ANKDD1B: variants seen among roughly 807,000 people sequenced by gnomAD.
The protein encoded by ANKDD1B is ankyrin repeat and death domain containing 1B.
ANKDD1B carries 57 observed loss-of-function variants against 59.7 expected under a neutral mutation model. That is an observed-to-expected ratio of 0.95 (90% CI 0.77 to 1.19). ANKDD1B has a LOEUF of 1.19. Ranked by LOEUF, ANKDD1B falls within the 50% of genes most tolerant of loss-of-function variation. The probability of loss-of-function intolerance (pLI) is 0.00; values close to 1 mark genes in which losing one functional copy is unlikely to be tolerated. For missense variants in ANKDD1B, 602 were observed against 641.9 expected, an observed-to-expected ratio of 0.94 and a Z score of 0.67; for synonymous variants, 216 against 239.5, an observed-to-expected ratio of 0.90 and a Z score of 0.91.
rs1055481271 is a variant in ANKDD1B, at chr5:75,663,417, G to A, written c.1119G>A (p.Val373=). The A allele has an allele frequency of 1.3e-6, 2 of 1,536,102 alleles. No homozygotes were observed. The highest frequency in any genetic ancestry group is 2.0e-5 in the Admixed American group (1 of 50,986). Reference sequence around the variant, plus strand: ...AGCAAGGAAAGACTGCCCTGGCTGTGGCCTCCAGGAGCAACCATAGCCTTG... The same window carrying A: ...AGCAAGGAAAGACTGCCCTGGCTGTAGCCTCCAGGAGCAACCATAGCCTTG... ...VDKQGKTALA[V]ASRSNHSLVV... is the part of the protein sequence containing the mutation. Residue 373 remains valine (V), a synonymous_variant, in exon 11 of 14, where the codon GTG becomes GTA. Transcript: ENST00000601380.
chr5:75,613,023 G>A (rs561563553), intron 1 of ANKDD1B, among the ~76,000 whole-genome samples: 6 of 152,348 alleles, frequency 3.9e-5, no homozygotes, highest in Middle Eastern at 6.8e-3. Context: ...TACATGGAGT[G>A]TGTGTTCCTC....
chr5:75,650,173 G>A (rs2111987931), intron 7 of ANKDD1B, among the ~76,000 whole-genome samples: 1 of 152,286 alleles, frequency 6.6e-6, no homozygotes, highest in East Asian at 1.9e-4. Context: ...ATGTTACATG[G>A]CAAAGGAGAA....
chr5:75,653,032 C>T lies in ANKDD1B; in HGVS notation c.799-110C>T, dbSNP rs1774869969. 4.0e-6 allele frequency: 3 copies of T among 752,534 alleles called. No individual in the cohort carries two copies. The East Asian group carries it at 8.2e-5, about 21-fold the overall frequency. 46.6% of individuals were successfully genotyped at this position (752,534 alleles called of 1,614,324 possible). The stretch of plus-strand genomic sequence containing the variant: ...CAAATCACTGTTAAGTGATGCACGA[C>T]TGTAGTTGTACTATTTCATTGTATT... On this transcript the variant is annotated intron_variant, in intron 7 of 13. Coordinates refer to ENST00000601380, the MANE Select transcript of ANKDD1B (RefSeq NM_001276713.2).
chr5:75,618,055 T>C (rs995259951), intron 2 of ANKDD1B, among the ~76,000 whole-genome samples: 3 of 150,744 alleles, frequency 2.0e-5, no homozygotes, highest in African/African-American at 7.3e-5. Context: ...TCCATAGATA[T>C]CCTAGAATAG....
intron 7 of ANKDD1B, among the ~76,000 whole-genome samples, chr5:75,648,583 G>A (rs1214427846): frequency 6.6e-6 from 1 of 152,148 alleles, no homozygotes; most frequent in Non-Finnish European, 1.5e-5. Context: ...ACAGCCAGTG[G>A]TCTCAGCTGC....
At chr5:75,659,549 G>A (rs892481365) in intron 10 of ANKDD1B, among the ~76,000 whole-genome samples, 168 bp downstream of exon 10, 12 of 152,194 alleles carry the variant, frequency 7.9e-5, no homozygotes, top group Non-Finnish European at 1.6e-4. Flanking sequence ...GTTGAGCTAT[G>A]TCAGTAAAAA....
intron 11 of ANKDD1B, among the ~76,000 whole-genome samples, chr5:75,665,442 G>A (rs186582193): frequency 1.3e-5 from 2 of 152,310 alleles, no homozygotes; most frequent in East Asian, 3.9e-4. Flanking sequence ...TTCAGGAGAT[G>A]GAATGAGGAG....
At chr5:75,667,868 G>T (rs1468249336) in intron 12 of ANKDD1B, among the ~76,000 whole-genome samples, 1 of 152,124 alleles carries the variant, frequency 6.6e-6, no homozygotes, top group Non-Finnish European at 1.5e-5. Context: ...CAGTCCATGA[G>T]CACACACTAT....
intron 12 of ANKDD1B, among the ~76,000 whole-genome samples, chr5:75,668,519 GTCCAGTGAACT>G (rs992699367): frequency 1.6e-4 from 25 of 152,310 alleles, no homozygotes; most frequent in African/African-American, 5.5e-4. Flanking sequence ...ATATCAGTCT[GTCCAGTGAACT>G]TCTCCCTCAC....
intron 11 of ANKDD1B, among the ~76,000 whole-genome samples, chr5:75,663,698 G>A (rs897398870): frequency 1.3e-5 from 2 of 152,238 alleles, no homozygotes; most frequent in Non-Finnish European, 2.9e-5. Context: ...TCAGAACTGA[G>A]AGCGCGTAGA....
At chr5:75,651,506 G>A (rs889837000) in intron 7 of ANKDD1B, among the ~76,000 whole-genome samples, 6 of 152,202 alleles carry the variant, frequency 3.9e-5, no homozygotes, top group Non-Finnish European at 8.8e-5. Flanking sequence ...TGAAAGGGCC[G>A]AGTAGGAAGA....
Position 75,634,961 on chromosome 5 carries a change from AC to A in ANKDD1B, c.666del (p.Phe223SerfsTer2), listed in dbSNP as rs2112978317. ...CCATGTTGAAATGATAGAAAAACTT[AC>A]CTTCCTAAACCTGCATACTTCAGAA... ...RGHVEMIEKL[T>X]FLNLHTSEKD... On this transcript the variant is annotated frameshift_variant, in exon 6 of 14. Transcript: ENST00000601380. LOFTEE classifies it high-confidence loss of function. The A allele has an allele frequency of 1.3e-6, 2 of 1,535,382 alleles. No homozygotes were observed. Among genetic ancestry groups the A allele is most frequent in the Non-Finnish European group, 1.7e-6 (2 of 1,146,212 alleles).
chr5:75,666,879 A>G lies in ANKDD1B; in HGVS notation c.1279A>G (p.Thr427Ala), dbSNP rs1775320120. 1.3e-6 allele frequency: 2 copies of G among 1,535,226 alleles called. No individual in the cohort carries two copies. Among genetic ancestry groups the G allele is most frequent in the African/African-American group, 2.7e-5 (2 of 72,966 alleles). Residue 427 changes from threonine to alanine, a missense_variant, in exon 12 of 14, where the codon ACG becomes GCG. This residue lies in a region of ANKDD1B where 280 missense variants were observed against 319.8 expected (regional missense o/e 0.88). Transcript: ENST00000601380. ...DHSLETRHIR[T>A]LLWDLAYHQL... is the part of the protein sequence containing the mutation. ...CAGTCTGGAGACCAGACACATTCGCACGCTTCTCTGGGACCTGGCTTACCA... is the reference window on the plus strand; with the variant it reads ...CAGTCTGGAGACCAGACACATTCGCGCGCTTCTCTGGGACCTGGCTTACCA...
At chr5:75,639,929 AATGTCAT>A (rs1774418953) in intron 7 of ANKDD1B, among the ~76,000 whole-genome samples, 1 of 152,212 alleles carries the variant, frequency 6.6e-6, no homozygotes, top group Non-Finnish European at 1.5e-5. Context: ...TATTTTTTAA[AATGTCAT>A]GTAACATTTA....
chr5:75,638,400 C>T (rs1774372626), intron 7 of ANKDD1B, among the ~76,000 whole-genome samples: 2 of 152,072 alleles, frequency 1.3e-5, no homozygotes, highest in Admixed American at 1.3e-4. Flanking sequence ...TGTGGGCTGC[C>T]TCTGTTTCCT....
chr5:75,667,445 C>T (rs146966074), intron 12 of ANKDD1B, among the ~76,000 whole-genome samples: 1 of 152,228 alleles, frequency 6.6e-6, no homozygotes, highest in African/African-American at 2.4e-5. Context: ...AAGAGGAATT[C>T]CTTAAAGCAG....
intron 2 of ANKDD1B, 141 bp downstream of exon 2, chr5:75,617,048 T>C (rs1773734408): frequency 2.0e-6 from 1 of 496,986 alleles, no homozygotes; most frequent in Non-Finnish European, 3.6e-6. Flanking sequence ...AATCCCGGGG[T>C]GTTTAAGCTA....
intron 4 of ANKDD1B, 32 bp from the exon 5 acceptor site, chr5:75,625,819 T>C (rs1773979680): frequency 6.5e-7 from 1 of 1,531,658 alleles, no homozygotes; most frequent in Admixed American, 2.0e-5. Context: ...CTGAGGTCAC[T>C]GTCTATCTCC....
At chr5:75,613,574 C>T (rs1046274053) in intron 1 of ANKDD1B, among the ~76,000 whole-genome samples, 11 of 151,814 alleles carry the variant, frequency 7.2e-5, no homozygotes, top group South Asian at 2.1e-4. Flanking sequence ...TATGAGGCAA[C>T]GGTATTAACT....
Sources: allele counts gnomAD v4.1 joint callset (sites outside exome capture counted in the v4.1 genomes callset), GRCh38; gene constraint gnomAD v4.1.1; regional missense constraint gnomAD v4.1.1; transcripts MANE v1.5; gene names NCBI Gene and HGNC (gene_info 2026-07-23, HGNC 2026-07-21).